FAT3: variants seen among roughly 807,000 people sequenced by gnomAD.
FAT3 encodes protocadherin Fat 3.
A neutral mutation model predicts 310.2 loss-of-function variants in FAT3; 95 were observed. The observed-to-expected ratio is 0.31, with a 90% CI of 0.26 to 0.36. The LOEUF (loss-of-function observed/expected upper bound fraction) is 0.36, where lower values mean the gene tolerates loss of function less well. Among genes scored for constraint, FAT3 ranks in the 10% least tolerant of loss-of-function variants. FAT3 has a pLI of 1.00. For synonymous variants in FAT3, 2,314 were observed against 2,192.9 expected (o/e 1.06, Z -1.54); for missense variants, 5,408 against 5,715.6 (o/e 0.95, Z 1.74).
chr11:92,760,108 C>T (rs1265157529), intron 4 of FAT3, among the ~76,000 whole-genome samples: 1 of 152,204 alleles, frequency 6.6e-6, no homozygotes, highest in Non-Finnish European at 1.5e-5. Context: ...GCTCAAGAGT[C>T]AAAATCCAAC....
At chr11:92,363,428 T>A (rs564170519) in intron 2 of FAT3, among the ~76,000 whole-genome samples, 1 of 152,338 alleles carries the variant, frequency 6.6e-6, no homozygotes, top group South Asian at 2.1e-4. Context: ...TGTAATATAA[T>A]ATAAACTTCC....
intron 2 of FAT3, among the ~76,000 whole-genome samples, chr11:92,375,499 A>G (rs1161727930): frequency 1.3e-5 from 2 of 152,130 alleles, no homozygotes; most frequent in African/African-American, 4.8e-5. Flanking sequence ...GCTCATGCCC[A>G]TGGTTGACAT....
chr11:92,456,312 T>C (rs1951491023), intron 2 of FAT3, among the ~76,000 whole-genome samples: 2 of 152,136 alleles, frequency 1.3e-5, no homozygotes, highest in Non-Finnish European at 2.9e-5. Context: ...CTTATGGAGG[T>C]TATAGTTTCA....
intron 1 of FAT3, among the ~76,000 whole-genome samples, chr11:92,270,524 CA>C (rs35629929): frequency 0.018 from 2,446 of 135,818 alleles, 61 homozygotes; most frequent in African/African-American, 0.054. Flanking sequence ...AATAAAAATA[CA>C]AAAAAAAAAA....
At position 92,315,452 on chromosome 11, in the gene FAT3, T is replaced by G. The variant is rs542063924; in HGVS notation, c.-17-36644T>G. ...TCAAACCTCAGTGTGTGTGTGTATA[T>G]ATATGTGTGTGTGTGTGTGTGTGTG... On this transcript the variant is annotated intron_variant, in intron 1 of 27. Coordinates refer to ENST00000525166, the MANE Select transcript of FAT3 (RefSeq NM_001367949.2). Among the ~76,000 whole-genome samples the G allele has an allele frequency of 4.4e-5, 6 of 135,042 alleles. No homozygotes were observed. The South Asian group carries it at 1.4e-3, about 31-fold the overall frequency. The allele number at this position is 135,042 out of a possible 152,430, so 88.6% of individuals were successfully genotyped here.
Position 92,800,693 on chromosome 11 carries a change from G to A in FAT3, c.7680G>A (p.Arg2560=), listed in dbSNP as rs772929967. ...TCATCACCACAGAAAGGCTAGACCG[G>A]GAAAACCCTCTAGAAGGGGATGTTA... ...GQVITTERLD[R]ENPLEGDVSI... The change falls in exon 10 of 28, where the codon CGG becomes CGA. Residue 2560 remains arginine (R), a synonymous_variant. Transcript: ENST00000525166. 6.2e-7 allele frequency: 1 copy of A among 1,613,816 alleles called. No homozygotes were observed. The highest frequency in any genetic ancestry group is 2.2e-5 in the East Asian group (1 of 44,824).
intron 7 of FAT3, among the ~76,000 whole-genome samples, chr11:92,781,222 A>G (rs1213993269): frequency 5.3e-5 from 8 of 151,678 alleles, no homozygotes. Flanking sequence ...AGCTGGGACT[A>G]CAGGTGCATG....
chr11:92,688,997 T>TA lies in FAT3; in HGVS notation c.3608-8386dup, dbSNP rs377532065. ...AAGTTAAACCATTGAACACATATGA[T>TA]ACTCCACACACTGTTCTTAGAGCTG... is the stretch of plus-strand genomic sequence containing the variant. On this transcript the variant is annotated intron_variant, in intron 3 of 27. Transcript: ENST00000525166. Among the ~76,000 whole-genome samples the TA allele has an allele frequency of 3.4e-3, 522 of 152,314 alleles. 2 individuals are homozygous for TA. The highest frequency in any genetic ancestry group is 0.012 in the African/African-American group (506 of 41,570).
intron 13 of FAT3, among the ~76,000 whole-genome samples, chr11:92,820,551 T>C (rs1292009719): frequency 6.6e-6 from 1 of 152,098 alleles, no homozygotes; most frequent in African/African-American, 2.4e-5. Flanking sequence ...GCTGTGGTAT[T>C]GTGAGGCAGC....
chr11:92,390,018 G>GT (rs35267924), intron 2 of FAT3, among the ~76,000 whole-genome samples: 18,140 of 149,126 alleles, frequency 0.12, 1,107 homozygotes, highest in South Asian at 0.18. Context: ...AAAAAAGCCT[G>GT]TTTTTTTTTT....
At chr11:92,253,601 A>G (rs1298300276) in intron 1 of FAT3, among the ~76,000 whole-genome samples, 1 of 152,122 alleles carries the variant, frequency 6.6e-6, no homozygotes, top group Non-Finnish European at 1.5e-5. Flanking sequence ...CCTAGGACAT[A>G]TTTATTGGCT....
At chr11:92,377,228 GT>G (rs1949372071) in intron 2 of FAT3, among the ~76,000 whole-genome samples, 1 of 152,186 alleles carries the variant, frequency 6.6e-6, no homozygotes, top group Non-Finnish European at 1.5e-5. Context: ...ATGGCTAAGA[GT>G]TTTAAATGTA....
At chr11:92,367,421 C>T (rs899813332) in intron 2 of FAT3, among the ~76,000 whole-genome samples, 1 of 152,050 alleles carries the variant, frequency 6.6e-6, no homozygotes, top group Admixed American at 6.6e-5. Context: ...TATAGTGAGA[C>T]CCTCTGTCTA....
intron 6 of FAT3, among the ~76,000 whole-genome samples, chr11:92,771,352 AG>A (rs1946451303): frequency 6.6e-6 from 1 of 152,142 alleles, no homozygotes; most frequent in African/African-American, 2.4e-5. Context: ...TCAGGCTAAA[AG>A]GGAGCCTGAA....
chr11:92,601,727 T>G (rs1940036353), intron 3 of FAT3, among the ~76,000 whole-genome samples: 1 of 152,160 alleles, frequency 6.6e-6, no homozygotes. Flanking sequence ...TGGAACCTAT[T>G]ATATACAGAA....
At chr11:92,868,673 G>T (rs549852649) in intron 22 of FAT3, among the ~76,000 whole-genome samples, 4 of 152,182 alleles carry the variant, frequency 2.6e-5, no homozygotes, top group African/African-American at 7.2e-5. Flanking sequence ...ATGGCAGGAC[G>T]TTGTTTTTGC....
chr11:92,501,025 T>C (rs969236467), intron 2 of FAT3, among the ~76,000 whole-genome samples: 2 of 152,062 alleles, frequency 1.3e-5, no homozygotes, highest in African/African-American at 4.8e-5. Context: ...CCTATGTTCA[T>C]TGCAGGAAAA....
intron 3 of FAT3, among the ~76,000 whole-genome samples, chr11:92,679,864 A>AC (rs1434952016): frequency 6.8e-5 from 10 of 146,414 alleles, no homozygotes; most frequent in African/African-American, 2.6e-4. Context: ...AAAAAAAAAA[A>AC]AAAAGTTGAA....
intron 6 of FAT3, among the ~76,000 whole-genome samples, chr11:92,769,806 A>G (rs1449883870): frequency 6.6e-6 from 1 of 152,194 alleles, no homozygotes; most frequent in Non-Finnish European, 1.5e-5. Context: ...TTCATTTGTC[A>G]TAGGTTCCTT....
Sources: gnomAD v4.1 joint callset for allele counts (sites outside exome capture counted in the v4.1 genomes callset) on GRCh38, gnomAD v4.1.1 for gene constraint, MANE v1.5 for transcripts, NCBI Gene and HGNC (gene_info 2026-07-23, HGNC 2026-07-21) for gene names.